The following GFOD1 variants were observed in gnomAD, a reference collection of about 807,000 sequenced individuals.
GFOD1 encodes the protein glucose-fructose oxidoreductase domain-containing protein 1.
A neutral mutation model predicts 25.4 loss-of-function variants in GFOD1; 9 were observed. The ratio of observed to expected loss-of-function variants is 0.35; its 90% CI spans 0.21 to 0.62. GFOD1 has a LOEUF of 0.62. GFOD1 is among the 20% of genes least tolerant of loss of function. The probability of loss-of-function intolerance (pLI) is 0.72; values close to 1 mark genes in which losing one functional copy is unlikely to be tolerated. For synonymous variants in GFOD1, 253 were observed against 245.6 expected, an observed-to-expected ratio of 1.03 and a Z score of -0.28; for missense variants, 403 against 556.9, an observed-to-expected ratio of 0.72 and a Z score of 2.78.
intron 1 of GFOD1, among the ~76,000 whole-genome samples, chr6:13,371,761 C>T (rs562697716): frequency 3.4e-4 from 52 of 152,244 alleles, no homozygotes; most frequent in South Asian, 1.7e-3. Flanking sequence ...TGTGCACATG[C>T]GGGTATGATG....
intron 1 of GFOD1, among the ~76,000 whole-genome samples, chr6:13,367,474 C>T (rs941185350): frequency 3.9e-5 from 6 of 152,166 alleles, no homozygotes; most frequent in Non-Finnish European, 4.4e-5. Flanking sequence ...CTTCCCGACC[C>T]CCATCTGCTT....
chr6:13,409,153 G>GAAA (rs368758101), intron 1 of GFOD1, among the ~76,000 whole-genome samples: 1,185 of 44,376 alleles, frequency 0.027, 175 homozygotes, highest in African/African-American at 0.066. Context: ...AAGAAAGAGA[G>GAAA]GAAAGAAAGA....
chr6:13,364,975 C>G lies in GFOD1; in HGVS notation c.941G>C (p.Arg314Pro), dbSNP rs1206470794. ...RGTIKMMQAV[R>P]QAFQDQDDRR... is the part of the protein sequence containing the mutation. ...GTCGTCCTGGTCCTGGAAGGCCTGG[C>G]GCACCGCCTGCATCATCTTGATGGT... Residue 314 changes from arginine (R) to proline (P), a missense_variant, in exon 2 of 2, where the codon CGC becomes CCC. Transcript: ENST00000379287. This position sits in a 1 kb window ranked among gnomAD's most constrained non-coding sequence, Gnocchi z 4.1. 1 of 1,609,262 alleles carries G rather than the reference C, an allele frequency of 6.2e-7. No homozygotes were observed. Among genetic ancestry groups the G allele is most frequent in the African/African-American group, 1.3e-5 (1 of 74,926 alleles).
At chr6:13,392,720 T>C (rs1409114961) in intron 1 of GFOD1, among the ~76,000 whole-genome samples, 2 of 151,786 alleles carry the variant, frequency 1.3e-5, no homozygotes, top group African/African-American at 2.4e-5. Context: ...ATGAGCCAGG[T>C]AGGTAGAAAC....
intron 1 of GFOD1, among the ~76,000 whole-genome samples, chr6:13,409,179 G>A (rs371664625): frequency 0.011 from 390 of 34,196 alleles, 44 homozygotes; most frequent in Non-Finnish European, 0.032. Context: ...AAGAGAGAGA[G>A]AGAGAGAAAG....
chr6:13,475,404 T>G (rs1221924750), intron 1 of GFOD1, among the ~76,000 whole-genome samples: 1 of 151,612 alleles, frequency 6.6e-6, no homozygotes, highest in Non-Finnish European at 1.5e-5. Flanking sequence ...TGAAAACCCA[T>G]CTCTACTAAA....
At position 13,482,049 on chromosome 6, in the gene GFOD1, CAG is replaced by C. The variant is rs201180903; in HGVS notation, c.253+4587_253+4588del. 5.9e-3 allele frequency among the ~76,000 whole-genome samples: 891 copies of C among 150,876 alleles called. 8 individuals carry two copies. Among genetic ancestry groups the C allele is most frequent in the South Asian group, 0.03 (145 of 4,814 alleles). On this transcript the variant is annotated intron_variant, in intron 1 of 1. Transcript: ENST00000379287. Reference sequence around the variant, plus strand: ...ATAGGAGCAATAATACTTTCACATTCAGAGTTTCATATATTTGTGTATATGTA... The same window carrying C: ...ATAGGAGCAATAATACTTTCACATTCAGTTTCATATATTTGTGTATATGTA...
rs79677510 is a variant in GFOD1, at chr6:13,386,315, C to T, written c.254-20653G>A. Among the ~76,000 whole-genome samples, 1,235 of 152,204 alleles carry T rather than the reference C, an allele frequency of 8.1e-3. 16 individuals are homozygous for T. The highest frequency in any genetic ancestry group is 0.024 in the African/African-American group (987 of 41,508). ...GCCTCCTATCCGTCAGGTCCAAATC[C>T]CCCTTTTCATTTATAAGCAAGCAAA... On this transcript the variant is annotated intron_variant, in intron 1 of 1. Transcript: ENST00000379287.
chr6:13,441,978 C>A (rs1052308209), intron 1 of GFOD1, among the ~76,000 whole-genome samples: 2 of 152,188 alleles, frequency 1.3e-5, no homozygotes, highest in Admixed American at 6.5e-5. Flanking sequence ...CACACACACA[C>A]CCCCACACTC....
chr6:13,449,707 C>T (rs1213981225), intron 1 of GFOD1, among the ~76,000 whole-genome samples: 1 of 152,148 alleles, frequency 6.6e-6, no homozygotes, highest in African/African-American at 2.4e-5. Flanking sequence ...TCTCCTTTTG[C>T]TTGGCTCTCA....
chr6:13,387,376 C>T (rs929912936), intron 1 of GFOD1, among the ~76,000 whole-genome samples: 9 of 152,204 alleles, frequency 5.9e-5, no homozygotes, highest in Non-Finnish European at 1.0e-4. Flanking sequence ...CAATAAAATA[C>T]TGGCAAACCG....
intron 1 of GFOD1, among the ~76,000 whole-genome samples, chr6:13,389,033 T>G (rs1785532005): frequency 6.6e-6 from 1 of 152,222 alleles, no homozygotes; most frequent in African/African-American, 2.4e-5. Context: ...TCACTGGTCA[T>G]CAGAGAAATG....
At chr6:13,421,040 C>T (rs1786247831) in intron 1 of GFOD1, among the ~76,000 whole-genome samples, 1 of 152,100 alleles carries the variant, frequency 6.6e-6, no homozygotes, top group Non-Finnish European at 1.5e-5. Context: ...AAATTCTTAG[C>T]CCAGTGCCTG....
intron 1 of GFOD1, among the ~76,000 whole-genome samples, chr6:13,445,792 CA>C (rs969145889): frequency 6.6e-6 from 1 of 152,178 alleles, no homozygotes; most frequent in African/African-American, 2.4e-5. Context: ...TTCAAGAGAT[CA>C]ATAGCTTCTG....
At chr6:13,384,695 G>A (rs1584617757) in intron 1 of GFOD1, among the ~76,000 whole-genome samples, 3 of 152,298 alleles carry the variant, frequency 2.0e-5, no homozygotes, top group South Asian at 2.1e-4. Context: ...ACGCTAACTC[G>A]CCGGTTCCAC....
chr6:13,406,215 C>G (rs992899740), intron 1 of GFOD1, among the ~76,000 whole-genome samples: 7 of 152,272 alleles, frequency 4.6e-5, no homozygotes, highest in African/African-American at 9.6e-5. Context: ...GCTCCAGGGA[C>G]GTCACTATAA....
Position 13,360,998 on chromosome 6 carries a change from G to T in GFOD1, c.*3745C>A. 2.6e-6 allele frequency: 1 copy of T among 383,778 alleles called. No homozygotes were observed. The highest frequency in any genetic ancestry group is 3.1e-5 in the Admixed American group (1 of 32,522). 23.8% of individuals were successfully genotyped at this position (383,778 alleles called of 1,614,324 possible). On this transcript the variant is annotated 3_prime_UTR_variant, in exon 2 of 2. Transcript: ENST00000379287. ...TCTTACTGCCTCCATTTTCTCATGT[G>T]TATAAAAGAAATAGCAATACCCAAC...
intron 1 of GFOD1, among the ~76,000 whole-genome samples, chr6:13,467,033 C>T (rs1758390941): frequency 6.6e-6 from 1 of 151,946 alleles, no homozygotes; most frequent in African/African-American, 2.4e-5. Context: ...CCCTGGAATA[C>T]ATCTCCTCCC....
chr6:13,410,008 T>TTTG (rs1786045545), intron 1 of GFOD1, among the ~76,000 whole-genome samples: 2 of 148,336 alleles, frequency 1.3e-5, no homozygotes, highest in African/African-American at 2.5e-5. Flanking sequence ...ATTTTTAGTT[T>TTTG]TTTTTTTTTT....
Sources: gnomAD v4.1 joint callset for allele counts (sites outside exome capture counted in the v4.1 genomes callset) on GRCh38, gnomAD v4.1.1 for gene constraint, Gnocchi (gnomAD v3.1) non-coding constraint, MANE v1.5 for transcripts, NCBI Gene and HGNC (gene_info 2026-07-23, HGNC 2026-07-21) for gene names.